The following CTIF variants were observed in gnomAD, a reference collection of about 807,000 sequenced individuals.
CTIF encodes CBP80/20-dependent translation initiation factor.
A neutral mutation model predicts 66.0 loss-of-function variants in CTIF; 21 were observed. The ratio of observed to expected loss-of-function variants is 0.32; its 90% CI spans 0.23 to 0.46. CTIF has a LOEUF of 0.46. CTIF is among the 20% of genes least tolerant of loss of function. The probability of loss-of-function intolerance (pLI) is 1.00; values close to 1 mark genes in which losing one functional copy is unlikely to be tolerated. For missense variants in CTIF, 739 were observed against 812.7 expected (o/e 0.91, Z 1.10); for synonymous variants, 345 against 326.4 (o/e 1.06, Z -0.62).
chr18:48,608,815 A>G (rs1392948027), intron 1 of CTIF, among the ~76,000 whole-genome samples: 1 of 152,162 alleles, frequency 6.6e-6, no homozygotes, highest in East Asian at 1.9e-4. Flanking sequence ...TAGTTCAGGG[A>G]GCTGTTGCCA....
chr18:48,607,259 G>C (rs956369982), intron 1 of CTIF, among the ~76,000 whole-genome samples: 1 of 152,194 alleles, frequency 6.6e-6, no homozygotes, highest in African/African-American at 2.4e-5. Context: ...CCTGTGGTTC[G>C]TAGAGAATTC....
chr18:48,773,505 G>T (rs1053342254), intron 9 of CTIF, among the ~76,000 whole-genome samples: 2 of 152,376 alleles, frequency 1.3e-5, no homozygotes, highest in East Asian at 3.9e-4. Flanking sequence ...AGCTGGGGTT[G>T]CCTGCCATGG....
At chr18:48,683,661 G>T (rs780912400) in intron 6 of CTIF, among the ~76,000 whole-genome samples, 1 of 152,098 alleles carries the variant, frequency 6.6e-6, no homozygotes, top group East Asian at 1.9e-4. Context: ...TGCCTCTAGC[G>T]GTCTAGGCCC....
chr18:48,571,820 C>G (rs1192160774), intron 1 of CTIF, among the ~76,000 whole-genome samples: 3 of 151,864 alleles, frequency 2.0e-5, no homozygotes, highest in Non-Finnish European at 4.4e-5. Flanking sequence ...GTCAGGGTCT[C>G]CAGAGAAACA....
intron 1 of CTIF, among the ~76,000 whole-genome samples, chr18:48,582,481 T>C (rs2143829298): frequency 6.6e-6 from 1 of 152,262 alleles, no homozygotes; most frequent in South Asian, 2.1e-4. Flanking sequence ...GGCGTCTTTG[T>C]TGCCTGCATA....
intron 10 of CTIF, among the ~76,000 whole-genome samples, chr18:48,822,629 G>A (rs1010528365): frequency 0.032 from 2 of 62 alleles, no homozygotes; most frequent in South Asian, 0.5. Flanking sequence ...ACATGAGAGT[G>A]CTATATCTCT....
intron 9 of CTIF, among the ~76,000 whole-genome samples, chr18:48,807,396 A>G (rs931195859): frequency 5.3e-5 from 8 of 152,240 alleles, no homozygotes; most frequent in Admixed American, 3.9e-4. Flanking sequence ...AAGGTCATCC[A>G]TAATTCCGCT....
At chr18:48,690,713 A>G (rs1039221892) in intron 6 of CTIF, among the ~76,000 whole-genome samples, 3 of 151,924 alleles carry the variant, frequency 2.0e-5, no homozygotes, top group African/African-American at 7.3e-5. Context: ...GCATCCTCCC[A>G]GAGCCGGAAC....
chr18:48,859,926 T>TCGCA lies in CTIF; in HGVS notation c.*371_*374dup, dbSNP rs2069423903. On this transcript the variant is annotated 3_prime_UTR_variant, in exon 12 of 12. Coordinates refer to ENST00000256413, the MANE Select transcript of CTIF (RefSeq NM_014772.3). ...TGACTCCTCGGAGACCTTGGCAGCC[T>TCGCA]CGCACGCCGGGGCACCGCTTGGGTC... is the stretch of plus-strand genomic sequence containing the variant. 1 of 491,492 alleles carries TCGCA rather than the reference T, an allele frequency of 2.0e-6. No homozygotes were observed. Among genetic ancestry groups the TCGCA allele is most frequent in the Non-Finnish European group, 4.0e-6 (1 of 250,664 alleles). 30.4% of individuals were successfully genotyped at this position (491,492 alleles called of 1,614,324 possible). A position where few individuals can be genotyped will look rare whatever the true frequency, so the allele number is the denominator to read the frequency against.
intron 10 of CTIF, among the ~76,000 whole-genome samples, chr18:48,817,784 AAAAAG>A (rs1323482282): frequency 6.6e-6 from 1 of 151,564 alleles, no homozygotes. Context: ...CCAAAAAAAA[AAAAAG>A]GGGGCCCATC....
chr18:48,705,889 G>A (rs1046935401), intron 6 of CTIF, among the ~76,000 whole-genome samples: 4 of 152,198 alleles, frequency 2.6e-5, no homozygotes, highest in East Asian at 1.9e-4. Flanking sequence ...CGCCAGAGGC[G>A]CCCGTTCAAC....
At chr18:48,720,709 G>C (rs946088442) in intron 7 of CTIF, among the ~76,000 whole-genome samples, 3 of 152,170 alleles carry the variant, frequency 2.0e-5, no homozygotes, top group African/African-American at 7.2e-5. Flanking sequence ...CCAGGTCCAT[G>C]CTTGATTGAA....
In CTIF at chr18:48,860,100, C is replaced by T. The variant is rs535132121; in HGVS notation, c.*541C>T. 279 of 377,312 alleles carry T rather than the reference C, an allele frequency of 7.4e-4. 2 individuals carry two copies. Among genetic ancestry groups the T allele is most frequent in the South Asian group, 4.9e-3 (258 of 52,702 alleles). 23.4% of individuals were successfully genotyped at this position (377,312 alleles called of 1,614,324 possible). A position where few individuals can be genotyped will look rare whatever the true frequency, so the allele number is the denominator to read the frequency against. ...GCAGGCACGGTCCCCACCAGCCGCC[C>T]GTAATTGACGGCCTTTGTCAGCCAT... is the stretch of plus-strand genomic sequence containing the variant. On this transcript the variant is annotated 3_prime_UTR_variant, in exon 12 of 12. Transcript: ENST00000256413.
intron 9 of CTIF, among the ~76,000 whole-genome samples, chr18:48,779,016 G>A (rs938938528): frequency 6.6e-6 from 1 of 152,170 alleles, no homozygotes; most frequent in Non-Finnish European, 1.5e-5. Flanking sequence ...GTGTGGCCTG[G>A]GCAAGTGGTT....
chr18:48,757,294 T>C (rs760591953), intron 7 of CTIF, among the ~76,000 whole-genome samples: 1 of 152,006 alleles, frequency 6.6e-6, no homozygotes, highest in Non-Finnish European at 1.5e-5. Context: ...CTTCAACATA[T>C]GAAGTTTTGC....
chr18:48,596,521 C>T (rs777769014), intron 1 of CTIF, among the ~76,000 whole-genome samples: 48 of 151,586 alleles, frequency 3.2e-4, no homozygotes, highest in Non-Finnish European at 5.3e-4. Context: ...TGCTCTGTCA[C>T]CCAGGCTGGA....
At position 48,549,497 on chromosome 18, in the gene CTIF, G is replaced by T. The variant is rs536882730; in HGVS notation, c.-29+10185G>T. ...GGGTTGGTTCATTCAGGGAGTCAGC[G>T]ATCATTTCAAGGACTCTGTCTAACC... On this transcript the variant is annotated intron_variant, in intron 1 of 11. Coordinates refer to ENST00000256413, the MANE Select transcript of CTIF (RefSeq NM_014772.3). 3.0e-3 allele frequency among the ~76,000 whole-genome samples: 461 copies of T among 152,302 alleles called. 1 individual carries two copies. The highest frequency in any genetic ancestry group is 4.4e-3 in the Non-Finnish European group (299 of 68,032).
Position 48,758,158 on chromosome 18 carries a change from T to C in CTIF, c.824T>C (p.Met275Thr). Residue 275 changes from methionine (M) to threonine (T), a missense_variant, in exon 8 of 12, where the codon ATG (methionine) becomes ACG (threonine). Coordinates refer to ENST00000256413, the MANE Select transcript of CTIF (RefSeq NM_014772.3). The stretch of plus-strand genomic sequence containing the variant: ...GCACACCGCAATGCCAAAGAGACCA[T>C]GACCATCGAGAACCCAAAACTGGAG... ...AGAHRNAKETMTIENPKLEDT... is the reference protein window; with the variant it reads ...AGAHRNAKETTTIENPKLEDT... 6.2e-7 allele frequency: 1 copy of C among 1,613,792 alleles called. No homozygotes were observed. Among genetic ancestry groups the C allele is most frequent in the Non-Finnish European group, 8.5e-7 (1 of 1,179,976 alleles).
chr18:48,584,170 T>G (rs1280493529), intron 1 of CTIF, among the ~76,000 whole-genome samples: 1 of 152,164 alleles, frequency 6.6e-6, no homozygotes, highest in Non-Finnish European at 1.5e-5. Context: ...ACTTGCTCTC[T>G]AGGATGGATA....
Sources: gnomAD v4.1 joint callset for allele counts (sites outside exome capture counted in the v4.1 genomes callset) on GRCh38, gnomAD v4.1.1 for gene constraint, MANE v1.5 for transcripts, NCBI Gene and HGNC (gene_info 2026-07-23, HGNC 2026-07-21) for gene names.